Variants in GRID2 observed in about 807,000 individuals in gnomAD.
GRID2 encodes the protein glutamate receptor ionotropic, delta-2.
GRID2 carries 33 observed loss-of-function variants against 114.8 expected under a neutral mutation model. The ratio of observed to expected loss-of-function variants is 0.29; its 90% CI spans 0.22 to 0.38. The LOEUF is 0.38. GRID2 is among the 10% of genes least tolerant of loss of function. The pLI is 1.00. For synonymous variants in GRID2, 505 were observed against 449.9 expected (o/e 1.12, Z -1.55); for missense variants, 1,184 against 1,257.7 (o/e 0.94, Z 0.89).
intron 1 of GRID2, among the ~76,000 whole-genome samples, chr4:92,584,109 T>C (rs1728311038): frequency 6.6e-6 from 1 of 151,950 alleles, no homozygotes; most frequent in Admixed American, 6.6e-5. Flanking sequence ...CTAATTTCTC[T>C]TACTACCTAG....
chr4:92,939,905 C>G (rs1204516550), intron 2 of GRID2, among the ~76,000 whole-genome samples: 6 of 146,714 alleles, frequency 4.1e-5, no homozygotes, highest in Non-Finnish European at 6.0e-5. Context: ...TGAGGGCTCT[C>G]TTCTGTTCCA....
At chr4:93,660,960 AG>A (rs1256959729) in intron 14 of GRID2, among the ~76,000 whole-genome samples, 2 of 152,046 alleles carry the variant, frequency 1.3e-5, no homozygotes, top group East Asian at 1.9e-4. Flanking sequence ...TCTTATCCAC[AG>A]GGGGAAAAAA....
At chr4:92,969,629 G>C (rs181327232) in intron 2 of GRID2, among the ~76,000 whole-genome samples, 1 of 151,560 alleles carries the variant, frequency 6.6e-6, no homozygotes, top group East Asian at 1.9e-4. Flanking sequence ...ATGAGACTCA[G>C]ATTAAAGAAA....
intron 1 of GRID2, among the ~76,000 whole-genome samples, chr4:92,472,196 G>A (rs1722078645): frequency 6.7e-6 from 1 of 149,752 alleles, no homozygotes; most frequent in African/African-American, 2.5e-5. Context: ...GCCTCCCAAA[G>A]TGCTGGGATT....
rs538053215 is a variant in GRID2, at chr4:93,014,311, A to G, written c.245-70684A>G. ...GAATACTATTTCAAAATATGAATTT[A>G]AGAGGAAAACAAACATTCAGCCCAC... On this transcript the variant is annotated intron_variant, in intron 2 of 15. Transcript: ENST00000282020. Among the ~76,000 whole-genome samples, 18 of 152,202 alleles carry G rather than the reference A, an allele frequency of 1.2e-4. No homozygotes were observed. The East Asian group carries it at 3.1e-3, about 26-fold the overall frequency.
At chr4:93,483,747 AT>A (rs1726097593) in intron 11 of GRID2, among the ~76,000 whole-genome samples, 1 of 151,898 alleles carries the variant, frequency 6.6e-6, no homozygotes, top group Non-Finnish European at 1.5e-5. Flanking sequence ...GGTCAAGAGG[AT>A]TTTCCTTAAA....
chr4:92,882,596 A>G (rs1448319420), intron 2 of GRID2, among the ~76,000 whole-genome samples: 1 of 152,124 alleles, frequency 6.6e-6, no homozygotes, highest in East Asian at 1.9e-4. Context: ...ATTTACTGTG[A>G]AATATTTTAG....
chr4:93,764,905 G>A (rs999787108), intron 14 of GRID2, among the ~76,000 whole-genome samples: 12 of 151,878 alleles, frequency 7.9e-5, no homozygotes, highest in Non-Finnish European at 1.3e-4. Flanking sequence ...TAAGAATTTT[G>A]CAACTCAATT....
intron 2 of GRID2, among the ~76,000 whole-genome samples, chr4:92,685,662 T>G (rs957654969): frequency 6.6e-6 from 1 of 152,038 alleles, no homozygotes; most frequent in Non-Finnish European, 1.5e-5. Flanking sequence ...ATGATGTGGA[T>G]AAATACAAAT....
intron 1 of GRID2, among the ~76,000 whole-genome samples, chr4:92,470,065 A>G (rs1721957778): frequency 6.6e-6 from 1 of 151,970 alleles, no homozygotes; most frequent in Admixed American, 6.6e-5. Flanking sequence ...TCATAAGTAT[A>G]TTAAAATTTT....
At chr4:92,936,757 A>G (rs1242579130) in intron 2 of GRID2, among the ~76,000 whole-genome samples, 1 of 146,516 alleles carries the variant, frequency 6.8e-6, no homozygotes, top group Non-Finnish European at 1.5e-5. Flanking sequence ...CCATGATAAT[A>G]CATAAAATTG....
intron 1 of GRID2, among the ~76,000 whole-genome samples, chr4:92,491,678 C>T (rs946511710): frequency 1.3e-5 from 2 of 151,444 alleles, no homozygotes; most frequent in Non-Finnish European, 3.0e-5. Flanking sequence ...ATAGCTGTTT[C>T]CTTATTGGGT....
chr4:93,117,981 G>C (rs76358771), intron 4 of GRID2, among the ~76,000 whole-genome samples: 4 of 152,034 alleles, frequency 2.6e-5, no homozygotes, highest in African/African-American at 9.7e-5. Context: ...ATAGAACCTC[G>C]CTACTGTGAA....
intron 4 of GRID2, among the ~76,000 whole-genome samples, chr4:93,128,061 A>AAAAAAAAAAAAAAAG (rs1560908630): frequency 1.2e-5 from 1 of 84,072 alleles, no homozygotes; most frequent in African/African-American, 5.7e-5. Context: ...AAAAAAAAAC[A>AAAAAAAAAAAAAAAG]ACAGTACGTG....
chr4:92,509,419 T>G (rs891948398), intron 1 of GRID2, among the ~76,000 whole-genome samples: 5 of 151,920 alleles, frequency 3.3e-5, no homozygotes, highest in African/African-American at 1.2e-4. Context: ...TTTAAAAAAT[T>G]ATCTTTCCTT....
intron 2 of GRID2, among the ~76,000 whole-genome samples, chr4:92,948,747 G>A (rs1055075974): frequency 9.2e-5 from 14 of 151,848 alleles, no homozygotes; most frequent in African/African-American, 1.4e-4. Context: ...TACCAGAATC[G>A]TTTCTTTTGC....
chr4:92,408,562 T>C (rs2110295759), intron 1 of GRID2, among the ~76,000 whole-genome samples: 2 of 151,326 alleles, frequency 1.3e-5, no homozygotes, highest in East Asian at 1.9e-4. Flanking sequence ...TATAAATTGC[T>C]TTGGGCAGTA....
chr4:93,522,966 A>C (rs1312930329), intron 13 of GRID2, among the ~76,000 whole-genome samples: 1 of 152,156 alleles, frequency 6.6e-6, no homozygotes, highest in South Asian at 2.1e-4. Flanking sequence ...GAGTGACAGA[A>C]AGCCAAGTGA....
At chr4:92,523,969 T>G (rs1724910463) in intron 1 of GRID2, among the ~76,000 whole-genome samples, 1 of 152,020 alleles carries the variant, frequency 6.6e-6, no homozygotes, top group South Asian at 2.1e-4. Context: ...TGGAGCAAAG[T>G]CCCATAGAAG....
Sources: gnomAD v4.1 joint callset for allele counts (sites outside exome capture counted in the v4.1 genomes callset) on GRCh38, gnomAD v4.1.1 for gene constraint, MANE v1.5 for transcripts, NCBI Gene and HGNC (gene_info 2026-07-23, HGNC 2026-07-21) for gene names.